Variants in JPH4 observed in about 807,000 individuals in gnomAD.
The protein encoded by JPH4 is junctophilin 4.
A neutral mutation model predicts 57.6 loss-of-function variants in JPH4; 18 were observed. That is an observed-to-expected ratio of 0.31 (90% CI 0.22 to 0.46). JPH4 has a LOEUF of 0.46. Ranked by LOEUF, JPH4 falls within the 20% of genes least tolerant of loss-of-function variation. The pLI, the probability that JPH4 is intolerant of heterozygous loss-of-function variation, is 1.00. For synonymous variants in JPH4, 425 were observed against 406.6 expected (o/e 1.05, Z -0.54); for missense variants, 727 against 911.1 (o/e 0.80, Z 2.60).
chr14:23,571,764 G>C lies in JPH4; in HGVS notation c.1270+38C>G, dbSNP rs371604468. 3.2e-6 allele frequency: 5 copies of C among 1,562,708 alleles called. No homozygotes were observed. The African/African-American group carries it at 5.4e-5, about 17-fold the overall frequency. On this transcript the variant is annotated intron_variant, in intron 4 of 5. Coordinates refer to ENST00000356300, the MANE Select transcript of JPH4 (RefSeq NM_001146028.2). The surrounding 1 kb of genome is among the most constrained non-coding windows in gnomAD (Gnocchi z 4.6). ...CACCTGAGCCTCTCTAGCTCCCTAGGGGCCTCACTGCCCTCCCCCCAGCTG... is the reference window on the plus strand; with the variant it reads ...CACCTGAGCCTCTCTAGCTCCCTAGCGGCCTCACTGCCCTCCCCCCAGCTG...
At chr14:23,570,670 G>C (rs1040865345) in intron 5 of JPH4, among the ~76,000 whole-genome samples, 3 of 151,856 alleles carry the variant, frequency 2.0e-5, no homozygotes, top group Admixed American at 6.6e-5. Flanking sequence ...CACCGCGCCC[G>C]GCCTGGGCAA....
chr14:23,576,176 G>C lies in JPH4; in HGVS notation c.660C>G (p.Arg220=). ...GGAGCCCGCTGAGCAGCAGCGAACG[G>C]CGAAAGAATCCGCCGGCCGCCGGAG... ...KRTPAAGGFF[R]RSLLLSGLRA... Residue 220 remains arginine (R), a synonymous_variant, in exon 3 of 6, where the codon CGC becomes CGG. Transcript: ENST00000356300. The surrounding 1 kb of genome is among the most constrained non-coding windows in gnomAD (Gnocchi z 8.0). The C allele has an allele frequency of 7.7e-7, 1 of 1,300,562 alleles. No homozygotes were observed. The highest frequency in any genetic ancestry group is 9.8e-7 in the Non-Finnish European group (1 of 1,023,300). 80.6% of individuals were successfully genotyped at this position (1,300,562 alleles called of 1,614,324 possible).
chr14:23,569,884 G>A lies in JPH4; in HGVS notation c.1804-167C>T, dbSNP rs1258887672. On this transcript the variant is annotated intron_variant, in intron 5 of 5. Transcript: ENST00000356300. This position sits in a 1 kb window ranked among gnomAD's most constrained non-coding sequence, Gnocchi z 4.8. ...ATTGCAAAACCCCCTCTTCTCCCAGGCAGGGCCCCACCTTTCCTCTGACAC... is the reference window on the plus strand; with the variant it reads ...ATTGCAAAACCCCCTCTTCTCCCAGACAGGGCCCCACCTTTCCTCTGACAC... Among the ~76,000 whole-genome samples the A allele has an allele frequency of 6.6e-6, 1 of 152,178 alleles. No individual in the cohort carries two copies. Among genetic ancestry groups the A allele is most frequent in the Non-Finnish European group, 1.5e-5 (1 of 68,016 alleles).
rs1040386812 is a variant in JPH4 at position 23,576,669 on chromosome 14, G to T, written c.380-213C>A. Among the ~76,000 whole-genome samples, 6 of 152,174 alleles carry T rather than the reference G, an allele frequency of 3.9e-5. No individual in the cohort carries two copies. Among genetic ancestry groups the T allele is most frequent in the Non-Finnish European group, 5.9e-5 (4 of 68,028 alleles). On this transcript the variant is annotated intron_variant, in intron 2 of 5. Transcript: ENST00000356300. The surrounding 1 kb of genome is among the most constrained non-coding windows in gnomAD (Gnocchi z 8.0). ...GAGTGAAGACGGGCAGGTAGCAGGA[G>T]CCCTACGTGGATTTTGGCAGTGCGG... is the stretch of plus-strand genomic sequence containing the variant.
intron 3 of JPH4, chr14:23,572,690 G>T: frequency 1.7e-6 from 1 of 584,178 alleles, no homozygotes; most frequent in Non-Finnish European, 3.0e-6. Context: ...GCTTTCCTGA[G>T]CTCTGGAACT....
At chr14:23,570,248 C>A (rs1408256688) in intron 5 of JPH4, among the ~76,000 whole-genome samples, 1 of 5,184 alleles carries the variant, frequency 1.9e-4, no homozygotes, top group Non-Finnish European at 3.3e-4. Flanking sequence ...AGAGAAAGTG[C>A]GGAGGTGGGG....
At position 23,576,811 on chromosome 14, in the gene JPH4, T is replaced by C. The variant is rs1889284901; in HGVS notation, c.379+264A>G. 6.6e-6 allele frequency among the ~76,000 whole-genome samples: 1 copy of C among 151,612 alleles called. No individual in the cohort carries two copies. The highest frequency in any genetic ancestry group is 2.4e-5 in the African/African-American group (1 of 41,252). On this transcript the variant is annotated intron_variant, in intron 2 of 5. Coordinates refer to ENST00000356300, the MANE Select transcript of JPH4 (RefSeq NM_001146028.2). This position sits in a 1 kb window ranked among gnomAD's most constrained non-coding sequence, Gnocchi z 8.0. ...GCCGACCCGACGGAGAGCAGAGGTG[T>C]TGGGGACAGGCAGGTAGAGAGGGAG...
At position 23,575,636 on chromosome 14, in the gene JPH4, C is replaced by A. The variant is rs1450295155; in HGVS notation, c.1151+49G>T. Reference sequence around the variant, plus strand: ...GCACACCCGCCTTCCTGGTCCCCAGCGCACCCCCTCCTCTTAGCCCAGCTT... The same window carrying A: ...GCACACCCGCCTTCCTGGTCCCCAGAGCACCCCCTCCTCTTAGCCCAGCTT... On this transcript the variant is annotated intron_variant, in intron 3 of 5. Transcript: ENST00000356300. The surrounding 1 kb of genome is among the most constrained non-coding windows in gnomAD (Gnocchi z 6.9). The A allele has an allele frequency of 2.6e-6, 4 of 1,555,518 alleles. No homozygotes were observed. In the African/African-American group the frequency reaches 4.1e-5, roughly 16 times the overall value.
chr14:23,571,350 G>C lies in JPH4; in HGVS notation c.1381C>G (p.Pro461Ala), dbSNP rs778129191. Residue 461 changes from proline (P) to alanine (A), a missense_variant, in exon 5 of 6, where the codon CCC (proline) becomes GCC (alanine). Transcript: ENST00000356300. The surrounding 1 kb of genome is among the most constrained non-coding windows in gnomAD (Gnocchi z 4.6). ...LTPSEGSPELPSSPASSRQPW... is the reference protein window; with the variant it reads ...LTPSEGSPELASSPASSRQPW... ...TGGCGGGAGGAGGCAGGACTGCTGGGCAGTTCAGGGGATCCCTCTGAGGGG... is the reference window on the plus strand; with the variant it reads ...TGGCGGGAGGAGGCAGGACTGCTGGCCAGTTCAGGGGATCCCTCTGAGGGG... The C allele has an allele frequency of 1.3e-6, 2 of 1,599,666 alleles. No individual in the cohort carries two copies. Among genetic ancestry groups the C allele is most frequent in the Non-Finnish European group, 1.7e-6 (2 of 1,177,176 alleles).
Position 23,568,804 on chromosome 14 carries a change from T to C in JPH4, c.*830A>G, listed in dbSNP as rs1024021663. The C allele has an allele frequency of 1.1e-5, 11 of 985,568 alleles. No individual in the cohort carries two copies. The African/African-American group carries it at 1.9e-4, about 17-fold the overall frequency. The allele number at this position is 985,568 out of a possible 1,614,324, so 61.1% of individuals were successfully genotyped here. The stretch of plus-strand genomic sequence containing the variant: ...GAGTCCAGACCAACCAAATAAACTA[T>C]TATGGGGGAGACAGAAGGGTGGGAG... On this transcript the variant is annotated 3_prime_UTR_variant, in exon 6 of 6. Transcript: ENST00000356300.
Position 23,568,187 on chromosome 14 carries a change from G to A in JPH4, c.*1447C>T, listed in dbSNP as rs982869279. On this transcript the variant is annotated 3_prime_UTR_variant, in exon 6 of 6. Transcript: ENST00000356300. ...TCAGAAGTAAAGGTTGAGAGGGGAG[G>A]AAGGAGGGAGGCAAGCCAAGGAATA... is the stretch of plus-strand genomic sequence containing the variant. 3 of 985,734 alleles carry A rather than the reference G, an allele frequency of 3.0e-6. No homozygotes were observed. Among genetic ancestry groups the A allele is most frequent in the East Asian group, 2.3e-4 (2 of 8,830 alleles). The allele number at this position is 985,734 out of a possible 1,614,324, so 61.1% of individuals were successfully genotyped here. A position where few individuals can be genotyped will look rare whatever the true frequency, so the allele number is the denominator to read the frequency against.
rs1034585002 is a variant in JPH4 at position 23,570,650 on chromosome 14, A to G, written c.1803+278T>C. 5.9e-5 allele frequency among the ~76,000 whole-genome samples: 9 copies of G among 152,172 alleles called. No homozygotes were observed. In the East Asian group the frequency reaches 1.7e-3, roughly 29 times the overall value. On this transcript the variant is annotated intron_variant, in intron 5 of 5. Coordinates refer to ENST00000356300, the MANE Select transcript of JPH4 (RefSeq NM_001146028.2). ...CGGCCTCCCAAAGTGTTGGGATTAC[A>G]GGCGTGAGCCACCGCGCCCGGCCTG... is the stretch of plus-strand genomic sequence containing the variant.
At position 23,568,123 on chromosome 14, in the gene JPH4, TGTA is replaced by T. The variant is rs377529990; in HGVS notation, c.*1508_*1510del. ...CAAGACTTGGTGTTGGCGGCACTGT[TGTA>T]GTTTAACTTCAATCCCAAATTCCAT... On this transcript the variant is annotated 3_prime_UTR_variant, in exon 6 of 6. Transcript: ENST00000356300. 49 of 985,682 alleles carry T rather than the reference TGTA, an allele frequency of 5.0e-5. No individual in the cohort carries two copies. In the African/African-American group the frequency reaches 8.4e-4, roughly 17 times the overall value. 61.1% of individuals were successfully genotyped at this position (985,682 alleles called of 1,614,324 possible).
intron 3 of JPH4, chr14:23,572,767 C>A (rs530204828): frequency 7.6e-6 from 5 of 659,456 alleles, no homozygotes; most frequent in East Asian, 2.7e-5. Context: ...ATGCAATATG[C>A]TTTCTCACCA....
Position 23,578,497 on chromosome 14 carries a change from T to G in JPH4, c.-489A>C, listed in dbSNP as rs1274533216. 6.6e-6 allele frequency: 1 copy of G among 151,700 alleles called. No homozygotes were observed. The highest frequency in any genetic ancestry group is 1.5e-5 in the Non-Finnish European group (1 of 67,932). The allele number at this position is 151,700 out of a possible 1,614,324, so 9.4% of individuals were successfully genotyped here. ...AGGGGGCTCTCAAGAGGGGGTGTTT[T>G]TATTATTTTTTTCTTCTTATGGTTG... On this transcript the variant is annotated 5_prime_UTR_variant, in exon 1 of 6. Transcript: ENST00000356300.
In JPH4 at chr14:23,576,323, C is replaced by G; in HGVS notation, c.513G>C (p.Pro171=). 7.7e-7 allele frequency: 1 copy of G among 1,290,898 alleles called. No individual in the cohort carries two copies. The highest frequency in any genetic ancestry group is 9.8e-7 in the Non-Finnish European group (1 of 1,021,818). The allele number at this position is 1,290,898 out of a possible 1,614,324, so 80.0% of individuals were successfully genotyped here. A position where few individuals can be genotyped will look rare whatever the true frequency, so the allele number is the denominator to read the frequency against. Residue 171 remains proline (P), a synonymous_variant, in exon 3 of 6, where the codon CCG becomes CCC. Transcript: ENST00000356300. This position sits in a 1 kb window ranked among gnomAD's most constrained non-coding sequence, Gnocchi z 8.0. The part of the protein sequence containing the change: ...TSLDSGHSDP[P]TPPPPLPLPG... ...GCAAGGGCAGGGGCGGGGGTGGCGT[C>G]GGGGGGTCGCTGTGGCCGGAATCCA... is the stretch of plus-strand genomic sequence containing the variant.
chr14:23,577,307 T>A lies in JPH4; in HGVS notation c.147A>T (p.Ser49=), dbSNP rs749535178. 6.5e-7 allele frequency: 1 copy of A among 1,537,572 alleles called. No individual in the cohort carries two copies. Among genetic ancestry groups the A allele is most frequent in the Non-Finnish European group, 8.7e-7 (1 of 1,145,346 alleles). The part of the protein sequence containing the change: ...YSGCWAHGFE[S]LGVFTGPGGH... ...CGCCGGGCCCCGTGAAGACGCCCAG[T>A]GACTCGAAGCCGTGTGCCCAGCAGC... Residue 49 remains serine (S), a synonymous_variant, in exon 2 of 6, where the codon TCA becomes TCT. Coordinates refer to ENST00000356300, the MANE Select transcript of JPH4 (RefSeq NM_001146028.2). This position sits in a 1 kb window ranked among gnomAD's most constrained non-coding sequence, Gnocchi z 8.4.
At chr14:23,573,962 A>ACACACG (rs1449686623) in intron 3 of JPH4, among the ~76,000 whole-genome samples, 2 of 151,742 alleles carry the variant, frequency 1.3e-5, no homozygotes, top group African/African-American at 4.9e-5. Context: ...ACACACACAC[A>ACACACG]CACACACGCA....
At position 23,576,460 on chromosome 14, in the gene JPH4, C is replaced by T. The variant is rs1327001684; in HGVS notation, c.380-4G>A. 2 of 1,409,248 alleles carry T rather than the reference C, an allele frequency of 1.4e-6. No individual in the cohort carries two copies. The highest frequency in any genetic ancestry group is 1.5e-5 in the African/African-American group (1 of 66,690). The allele number at this position is 1,409,248 out of a possible 1,614,324, so 87.3% of individuals were successfully genotyped here. A position where few individuals can be genotyped will look rare whatever the true frequency, so the allele number is the denominator to read the frequency against. ...TGCCACTGGCCCTGGTAGGTGCCTG[C>T]GGGCGGCGGAGGGGTGGGAGAAAGA... On this transcript the variant is annotated splice_polypyrimidine_tract_variant and splice_region_variant and intron_variant, in intron 2 of 5. Coordinates refer to ENST00000356300, the MANE Select transcript of JPH4 (RefSeq NM_001146028.2). This position sits in a 1 kb window ranked among gnomAD's most constrained non-coding sequence, Gnocchi z 8.0.
Sources: allele counts gnomAD v4.1 joint callset (sites outside exome capture counted in the v4.1 genomes callset), GRCh38; gene constraint gnomAD v4.1.1; non-coding constraint Gnocchi (gnomAD v3.1); transcripts MANE v1.5; gene names NCBI Gene and HGNC (gene_info 2026-07-23, HGNC 2026-07-21).